WWOX: variants seen among roughly 807,000 people sequenced by gnomAD.
WWOX encodes WW domain-containing oxidoreductase.
In WWOX, 69 loss-of-function variants were observed where a neutral mutation model predicts 46.2. The ratio of observed to expected loss-of-function variants is 1.49; its 90% confidence interval spans 1.23 to 1.82. The LOEUF is 1.82. Among genes scored for constraint, WWOX ranks in the 40% most tolerant of loss-of-function variants. The probability of loss-of-function intolerance (pLI) is 0.00; values close to 1 mark genes in which losing one functional copy is unlikely to be tolerated. For synonymous variants in WWOX, 359 were observed against 202.6 expected (o/e 1.77, Z -6.56); for missense variants, 919 against 542.6 (o/e 1.69, Z -6.89).
At chr16:78,796,621 T>C (rs2050744255) in intron 8 of WWOX, among the ~76,000 whole-genome samples, 1 of 152,366 alleles carries the variant, frequency 6.6e-6, no homozygotes, top group African/African-American at 2.4e-5. Flanking sequence ...ATACGAGTTT[T>C]ATTTTGCCTT....
rs574013204 is a variant in WWOX, at chr16:79,070,766, A to G, written c.1057-140842A>G. 2.0e-5 allele frequency among the ~76,000 whole-genome samples: 3 copies of G among 152,302 alleles called. No individual in the cohort carries two copies. The South Asian group carries it at 6.2e-4, about 32-fold the overall frequency. ...AATCAATGGAAAGGCCTCTTTTAAC[A>G]TTTGATTTGTTTCTTCAAAGAACAC... On this transcript the variant is annotated intron_variant, in intron 8 of 8. Transcript: ENST00000566780.
intron 6 of WWOX, among the ~76,000 whole-genome samples, chr16:78,389,202 C>G (rs936193796): frequency 1.3e-5 from 2 of 152,154 alleles, no homozygotes; most frequent in Non-Finnish European, 2.9e-5. Context: ...CACCCTTTGC[C>G]AGAACTATCA....
intron 8 of WWOX, chr16:78,552,200 C>T (rs967748072): frequency 6.6e-6 from 1 of 152,178 alleles, no homozygotes; most frequent in Non-Finnish European, 1.5e-5. Flanking sequence ...TGATTAACCC[C>T]ATTTCCCCTC....
At chr16:78,356,124 TTGC>T (rs1164589346) in intron 5 of WWOX, among the ~76,000 whole-genome samples, 3 of 12,620 alleles carry the variant, frequency 2.4e-4, no homozygotes, top group Non-Finnish European at 7.8e-4. Context: ...GAGGTGGAGG[TTGC>T]AGTGAGCCAA....
intron 8 of WWOX, among the ~76,000 whole-genome samples, chr16:78,846,722 G>A (rs974056113): frequency 3.9e-5 from 6 of 152,028 alleles, no homozygotes; most frequent in African/African-American, 1.5e-4. Flanking sequence ...TAAATATATT[G>A]GGGGAGGTAC....
In WWOX at chr16:78,849,293, G is replaced by C. The variant is rs148065223; in HGVS notation, c.1057-362315G>C. Among the ~76,000 whole-genome samples the C allele has an allele frequency of 2.2e-3, 332 of 152,214 alleles. 2 individuals carry two copies. The highest frequency in any genetic ancestry group is 7.4e-3 in the African/African-American group (307 of 41,536). On this transcript the variant is annotated intron_variant, in intron 8 of 8. Coordinates refer to ENST00000566780, the MANE Select transcript of WWOX (RefSeq NM_016373.4). The stretch of plus-strand genomic sequence containing the variant: ...TTGTCAAAAAACACAACGACAGGCC[G>C]GGCGCGGTGGCTCATGCCTGTAATC...
intron 8 of WWOX, among the ~76,000 whole-genome samples, chr16:78,906,872 C>T (rs2044978893): frequency 6.6e-6 from 1 of 152,176 alleles, no homozygotes; most frequent in South Asian, 2.1e-4. Flanking sequence ...CTTCCTAACT[C>T]CATGGTGCTC....
In WWOX at chr16:78,539,997, TTCTCTCTCTC is replaced by T. The variant is rs536466074; in HGVS notation, c.1056+107260_1056+107269del. ...CTTTCCAATACATCTCTCTCTCTCTTTCTCTCTCTCTCTCTCTCTCTCTCACACACACACA... is the reference window on the plus strand; with the variant it reads ...CTTTCCAATACATCTCTCTCTCTCTTTCTCTCTCTCTCTCACACACACACA... On this transcript the variant is annotated intron_variant, in intron 8 of 8. Coordinates refer to ENST00000566780, the MANE Select transcript of WWOX (RefSeq NM_016373.4). 1.2e-3 allele frequency among the ~76,000 whole-genome samples: 166 copies of T among 133,104 alleles called. 2 individuals carry two copies. The highest frequency in any genetic ancestry group is 4.3e-3 in the African/African-American group (159 of 36,672). 87.3% of individuals were successfully genotyped at this position (133,104 alleles called of 152,430 possible).
intron 6 of WWOX, among the ~76,000 whole-genome samples, chr16:78,400,911 C>T (rs562116576): frequency 6.6e-6 from 1 of 152,236 alleles, no homozygotes; most frequent in African/African-American, 2.4e-5. Context: ...ATGGCCTCAG[C>T]CACCAGGGTT....
chr16:78,420,140 G>T (rs181791406), intron 6 of WWOX, among the ~76,000 whole-genome samples: 1 of 152,102 alleles, frequency 6.6e-6, no homozygotes, highest in South Asian at 2.1e-4. Flanking sequence ...CACATGGAGA[G>T]ATGAAAGTTC....
At chr16:78,861,857 C>G (rs1227191826) in intron 8 of WWOX, among the ~76,000 whole-genome samples, 1 of 152,184 alleles carries the variant, frequency 6.6e-6, no homozygotes, top group Non-Finnish European at 1.5e-5. Flanking sequence ...TTCCAGGCCT[C>G]TAATGTTTTC....
chr16:79,177,149 C>T (rs1246058679), intron 8 of WWOX, among the ~76,000 whole-genome samples: 2 of 152,174 alleles, frequency 1.3e-5, no homozygotes, highest in African/African-American at 2.4e-5. Flanking sequence ...CCTTCGCTGC[C>T]TCCGGTTCCC....
chr16:78,652,503 A>G (rs1034180727), intron 8 of WWOX, among the ~76,000 whole-genome samples: 132 of 152,070 alleles, frequency 8.7e-4, no homozygotes, highest in African/African-American at 3.1e-3. Flanking sequence ...ATAAAGGACT[A>G]TAAAAAAAGT....
At chr16:78,752,330 C>G (rs951208730) in intron 8 of WWOX, among the ~76,000 whole-genome samples, 2 of 152,196 alleles carry the variant, frequency 1.3e-5, no homozygotes, top group Non-Finnish European at 2.9e-5. Flanking sequence ...CTCTGTTGCC[C>G]AGGCTAGAGT....
At chr16:79,027,070 A>C (rs1322122945) in intron 8 of WWOX, among the ~76,000 whole-genome samples, 1 of 151,630 alleles carries the variant, frequency 6.6e-6, no homozygotes. Flanking sequence ...ACGTGAGCCC[A>C]GCAGTTCAAG....
chr16:79,018,084 C>A (rs949079713), intron 8 of WWOX, among the ~76,000 whole-genome samples: 1 of 152,186 alleles, frequency 6.6e-6, no homozygotes, highest in African/African-American at 2.4e-5. Context: ...TTTCTCGGAC[C>A]TATGAGCAAA....
intron 8 of WWOX, among the ~76,000 whole-genome samples, chr16:78,853,307 G>A (rs1376808025): frequency 1.3e-5 from 2 of 152,040 alleles, no homozygotes; most frequent in Non-Finnish European, 2.9e-5. Context: ...TGCAACCTCT[G>A]TCTCCTGGGT....
chr16:78,492,790 C>G (rs1313365563), intron 8 of WWOX, among the ~76,000 whole-genome samples: 1 of 152,110 alleles, frequency 6.6e-6, no homozygotes, highest in Non-Finnish European at 1.5e-5. Context: ...TGTTTTCCAC[C>G]ATTTGTAGCC....
chr16:78,505,731 C>G (rs1322789864), intron 8 of WWOX, among the ~76,000 whole-genome samples: 1 of 152,132 alleles, frequency 6.6e-6, no homozygotes, highest in African/African-American at 2.4e-5. Context: ...AGCATGCAGG[C>G]TTAAGGCTGG....
Sources: gnomAD v4.1 joint callset for allele counts (sites outside exome capture counted in the v4.1 genomes callset) on GRCh38, gnomAD v4.1.1 for gene constraint, MANE v1.5 for transcripts, NCBI Gene and HGNC (gene_info 2026-07-23, HGNC 2026-07-21) for gene names.